Variants in MPP7 observed in about 807,000 individuals in gnomAD.
The protein encoded by MPP7 is MAGUK p55 scaffold protein 7, also known as MAGUK p55 subfamily member 7.
Under a neutral mutation model 76.5 loss-of-function variants are expected in MPP7, and 60 were observed. The observed-to-expected ratio is 0.78, with a 90% confidence interval of 0.64 to 0.97. The LOEUF (loss-of-function observed/expected upper bound fraction) is 0.97. Ranked by LOEUF, MPP7 falls within the 50% of genes least tolerant of loss-of-function variation. The pLI, the probability that MPP7 is intolerant of heterozygous loss-of-function variation, is 0.00. For missense variants in MPP7, 641 were observed against 694.0 expected, an observed-to-expected ratio of 0.92 and a Z score of 0.86; for synonymous variants, 237 against 244.5, an observed-to-expected ratio of 0.97 and a Z score of 0.29.
rs1834525853 is a variant in MPP7, at chr10:28,112,178, C to T, written c.952+7473G>A. 5.3e-5 allele frequency among the ~76,000 whole-genome samples: 8 copies of T among 152,238 alleles called. No individual in the cohort carries two copies. In the South Asian group the frequency reaches 1.7e-3, roughly 32 times the overall value. Reference sequence around the variant, plus strand: ...TCTGACCTGTCATGCGCATCTAAAGCAAACGGTTAGAAAACAAGAAATAAA... The same window carrying T: ...TCTGACCTGTCATGCGCATCTAAAGTAAACGGTTAGAAAACAAGAAATAAA... On this transcript the variant is annotated intron_variant, in intron 11 of 16. Coordinates refer to ENST00000683449, the MANE Select transcript of MPP7 (RefSeq NM_001318170.2).
intron 7 of MPP7, 128 bp downstream of exon 7, chr10:28,124,882 A>G (rs1834966798): frequency 1.3e-6 from 1 of 746,502 alleles, no homozygotes; most frequent in Admixed American, 2.1e-5. Flanking sequence ...TTCAACACAG[A>G]GAAAAATATC....
intron 12 of MPP7, 59 bp from the exon 13 acceptor site, chr10:28,069,911 T>C (rs557482499): frequency 7.8e-7 from 1 of 1,277,982 alleles, no homozygotes; most frequent in African/African-American, 1.5e-5. Context: ...AACATTTCTG[T>C]AACTGACATG....
intron 1 of MPP7, among the ~76,000 whole-genome samples, chr10:28,285,115 C>G (rs1589028405): frequency 6.6e-6 from 1 of 152,182 alleles, no homozygotes; most frequent in East Asian, 1.9e-4. Context: ...AGGGACTAAT[C>G]TAAGAGACCA....
At chr10:28,237,429 C>T (rs1395657344) in intron 2 of MPP7, among the ~76,000 whole-genome samples, 1 of 151,946 alleles carries the variant, frequency 6.6e-6, no homozygotes, top group Non-Finnish European at 1.5e-5. Context: ...AAACTTCTTC[C>T]TGACAAAAAC....
chr10:28,296,931 G>A (rs1367201357), intron 1 of MPP7, among the ~76,000 whole-genome samples: 8 of 151,936 alleles, frequency 5.3e-5, no homozygotes, highest in South Asian at 2.1e-4. Flanking sequence ...GAGCTAAGCC[G>A]CAGTTTACAT....
intron 3 of MPP7, among the ~76,000 whole-genome samples, chr10:28,182,923 C>CA (rs1273637792): frequency 1.3e-5 from 2 of 152,056 alleles, no homozygotes; most frequent in Non-Finnish European, 2.9e-5. Context: ...ACTAAAAATA[C>CA]AAAAATCAGC....
intron 2 of MPP7, among the ~76,000 whole-genome samples, chr10:28,213,302 G>A (rs186951549): frequency 1.1e-4 from 16 of 152,148 alleles, no homozygotes; most frequent in African/African-American, 3.4e-4. Flanking sequence ...AGGGTCAAGC[G>A]CGCAGGTGGA....
intron 2 of MPP7, among the ~76,000 whole-genome samples, chr10:28,320,730 G>T (rs1449385996): frequency 6.6e-6 from 1 of 151,914 alleles, no homozygotes; most frequent in Non-Finnish European, 1.5e-5. Flanking sequence ...TTGTTCAGTT[G>T]TCAGTTTTCA....
Position 28,147,478 on chromosome 10 carries a change from C to T in MPP7, c.315+5G>A. ...GTATTTATTACCGGCGTAACATGTCCTCACCTTCACATTGGGTTTTGACAG... is the reference window on the plus strand; with the variant it reads ...GTATTTATTACCGGCGTAACATGTCTTCACCTTCACATTGGGTTTTGACAG... On this transcript the variant is annotated splice_donor_5th_base_variant and intron_variant, in intron 5 of 16. Coordinates refer to ENST00000683449, the MANE Select transcript of MPP7 (RefSeq NM_001318170.2). The T allele has an allele frequency of 6.2e-7, 1 of 1,611,740 alleles. No homozygotes were observed. Among genetic ancestry groups the T allele is most frequent in the Non-Finnish European group, 8.5e-7 (1 of 1,177,818 alleles).
chr10:28,054,189 C>A lies in MPP7; in HGVS notation c.1607G>T (p.Gly536Val). The stretch of plus-strand genomic sequence containing the variant: ...TATTATAATTTTGTCAAAAAGATGA[C>A]CATATTGACTTTCCATTATCTGTGC... Reference protein sequence around the residue: ...KSAQIMESQYGHLFDKIIIND... With the variant: ...KSAQIMESQYVHLFDKIIIND... The change falls in exon 17 of 17, where the codon GGT (glycine) becomes GTT (valine). Residue 536 changes from glycine to valine, a missense_variant. Gly to Val is a moderately radical substitution (Grantham distance 109). Transcript: ENST00000683449. 6.2e-7 allele frequency: 1 copy of A among 1,602,172 alleles called. No homozygotes were observed.
intron 2 of MPP7, among the ~76,000 whole-genome samples, chr10:28,309,997 T>C (rs1841280810): frequency 7.6e-6 from 1 of 131,704 alleles, no homozygotes; most frequent in Non-Finnish European, 1.6e-5. Flanking sequence ...CAATGCCAAT[T>C]AAACCTTTTT....
At chr10:28,114,465 A>G (rs1834599734) in intron 11 of MPP7, among the ~76,000 whole-genome samples, 1 of 152,036 alleles carries the variant, frequency 6.6e-6, no homozygotes, top group African/African-American at 2.4e-5. Context: ...GTGCTGTCTT[A>G]AGAGAATGAA....
rs147578692 is a variant in MPP7 at position 28,113,308 on chromosome 10, T to C, written c.952+6343A>G. ...GTCTGCATCCCAGACAACTCCCCTC[T>C]TCCTGTTGGCCCTGCGAGGTATACT... On this transcript the variant is annotated intron_variant, in intron 11 of 16. Coordinates refer to ENST00000683449, the MANE Select transcript of MPP7 (RefSeq NM_001318170.2). 4.3e-3 allele frequency among the ~76,000 whole-genome samples: 648 copies of C among 152,234 alleles called. 8 individuals are homozygous for C. Among genetic ancestry groups the C allele is most frequent in the Non-Finnish European group, 6.9e-3 (468 of 67,998 alleles).
intron 2 of MPP7, among the ~76,000 whole-genome samples, chr10:28,218,794 A>AAAAC (rs1838399538): frequency 6.6e-6 from 1 of 152,200 alleles, no homozygotes; most frequent in Non-Finnish European, 1.5e-5. Context: ...TTTAAAAAAT[A>AAAAC]AAACAAACAT....
At chr10:28,261,083 T>C (rs1193953352) in intron 1 of MPP7, among the ~76,000 whole-genome samples, 1 of 152,230 alleles carries the variant, frequency 6.6e-6, no homozygotes, top group Admixed American at 6.5e-5. Context: ...TTATCTTTAA[T>C]CTTTCAACTA....
chr10:28,137,917 T>C (rs1835397599), intron 5 of MPP7, among the ~76,000 whole-genome samples: 1 of 152,196 alleles, frequency 6.6e-6, no homozygotes, highest in Non-Finnish European at 1.5e-5. Flanking sequence ...TCTAAGTATC[T>C]GTCAGGTTCA....
intron 3 of MPP7, among the ~76,000 whole-genome samples, chr10:28,176,459 G>A (rs1447477340): frequency 2.0e-5 from 3 of 152,182 alleles, no homozygotes; most frequent in Non-Finnish European, 4.4e-5. Flanking sequence ...CACTGGCTGG[G>A]CATGGTGGCT....
intron 3 of MPP7, among the ~76,000 whole-genome samples, chr10:28,199,730 T>C (rs994524743): frequency 1.3e-5 from 2 of 151,996 alleles, no homozygotes; most frequent in African/African-American, 4.8e-5. Context: ...CATCAGACTC[T>C]TGAGTGGCTA....
At chr10:28,138,993 C>A (rs896104521) in intron 5 of MPP7, among the ~76,000 whole-genome samples, 2 of 152,144 alleles carry the variant, frequency 1.3e-5, no homozygotes, top group African/African-American at 4.8e-5. Context: ...ACTGTTACTG[C>A]CTGAGACCCT....
Sources: gnomAD v4.1 joint callset for allele counts (sites outside exome capture counted in the v4.1 genomes callset) on GRCh38, gnomAD v4.1.1 for gene constraint, MANE v1.5 for transcripts, NCBI Gene and HGNC (gene_info 2026-07-23, HGNC 2026-07-21) for gene names.